The following SNX31 variants were observed in gnomAD, a reference collection of about 807,000 sequenced individuals.
The protein encoded by SNX31 is sorting nexin 31.
A neutral mutation model predicts 65.4 loss-of-function variants in SNX31; 58 were observed. The observed-to-expected ratio is 0.89, with a 90% CI of 0.72 to 1.10. The LOEUF (loss-of-function observed/expected upper bound fraction) is 1.10, where lower values mean the gene tolerates loss of function less well. Ranked by LOEUF, SNX31 falls within the 50% of genes least tolerant of loss-of-function variation. SNX31 has a pLI of 0.00. For synonymous variants in SNX31, 181 were observed against 190.1 expected (o/e 0.95, Z 0.39); for missense variants, 523 against 529.7 (o/e 0.99, Z 0.12).
chr8:100,578,549 T>C lies in SNX31; in HGVS notation c.1171-1474A>G, dbSNP rs62513863. Among the ~76,000 whole-genome samples, 14,149 of 152,050 alleles carry C rather than the reference T, an allele frequency of 0.093. 715 individuals are homozygous for C. The highest frequency in any genetic ancestry group is 0.13 in the African/African-American group (5,471 of 41,494). On this transcript the variant is annotated intron_variant, in intron 12 of 13. Coordinates refer to ENST00000311812, the MANE Select transcript of SNX31 (RefSeq NM_152628.4). The surrounding 1 kb of genome is among the most constrained non-coding windows in gnomAD (Gnocchi z 4.7). ...ATAAGTGGGCTAAATAACATGACAC[T>C]GCAAAAAAGCATTACCTTTCAACTA...
In SNX31 at chr8:100,593,715, A is replaced by G. The variant is rs192739550; in HGVS notation, c.978+2924T>C. Among the ~76,000 whole-genome samples the G allele has an allele frequency of 4.9e-4, 75 of 152,070 alleles. 1 individual carries two copies. In the Middle Eastern group the frequency reaches 0.01, roughly 21 times the overall value. On this transcript the variant is annotated intron_variant, in intron 10 of 13. Coordinates refer to ENST00000311812, the MANE Select transcript of SNX31 (RefSeq NM_152628.4). ...CCAATCTGCCCACCTCGGCCTCCCA[A>G]AGTGCTGGGATTATAGGCATGAGCC...
intron 2 of SNX31, among the ~76,000 whole-genome samples, chr8:100,642,353 G>GTAAATA (rs1819318149): frequency 6.6e-6 from 1 of 152,192 alleles, no homozygotes; most frequent in African/African-American, 2.4e-5. Context: ...GTTCGTAAAT[G>GTAAATA]TCGCAGATGT....
At chr8:100,655,590 T>C (rs1339524234) in intron 1 of SNX31, among the ~76,000 whole-genome samples, 2 of 152,212 alleles carry the variant, frequency 1.3e-5, no homozygotes, top group Non-Finnish European at 2.9e-5. Flanking sequence ...CATTCTGCCA[T>C]GATTGTGAGG....
rs190939928 is a variant in SNX31, at chr8:100,595,230, G to A, written c.978+1409C>T. Among the ~76,000 whole-genome samples the A allele has an allele frequency of 2.3e-3, 343 of 152,070 alleles. 1 individual carries two copies. Among genetic ancestry groups the A allele is most frequent in the South Asian group, 8.3e-3 (40 of 4,802 alleles). On this transcript the variant is annotated intron_variant, in intron 10 of 13. Transcript: ENST00000311812. ...CTCCAGGAGGAAAGAGTGGTGTAGG[G>A]AGAAGAATTAGGAAACTGTTCAATC...
At position 100,626,036 on chromosome 8, in the gene SNX31, G is replaced by T. The variant is rs1818018907; in HGVS notation, c.321+4291C>A. Among the ~76,000 whole-genome samples the T allele has an allele frequency of 6.6e-6, 1 of 152,112 alleles. No homozygotes were observed. The highest frequency in any genetic ancestry group is 2.4e-5 in the African/African-American group (1 of 41,400). On this transcript the variant is annotated intron_variant, in intron 4 of 13. Transcript: ENST00000311812. The surrounding 1 kb of genome is among the most constrained non-coding windows in gnomAD (Gnocchi z 4.4). ...GAGGTCAGGAGTTCAAGACCAGCCT[G>T]ACCAACATGGAGAAACCCCATCTCT...
chr8:100,618,571 G>A, intron 4 of SNX31: 1 of 543,870 alleles, frequency 1.8e-6, no homozygotes, highest in South Asian at 2.6e-5. Context: ...CATGCCAGCA[G>A]CAAATATGGG....
chr8:100,657,716 G>A (rs1422043352), intron 1 of SNX31: 7 of 455,664 alleles, frequency 1.5e-5, no homozygotes, highest in Non-Finnish European at 3.1e-5. Flanking sequence ...GGGAGATGGT[G>A]CAGTCACCTG....
Position 100,622,767 on chromosome 8 carries a change from G to A in SNX31, c.322-5037C>T, listed in dbSNP as rs117458753. 1.3e-5 allele frequency among the ~76,000 whole-genome samples: 2 copies of A among 152,208 alleles called. No homozygotes were observed. The highest frequency in any genetic ancestry group is 1.9e-4 in the East Asian group (1 of 5,190). Reference sequence around the variant, plus strand: ...ACATGAACTTCCCTCTCTAGCCCTCGACTGCATACTTATCCTACAGATATG... The same window carrying A: ...ACATGAACTTCCCTCTCTAGCCCTCAACTGCATACTTATCCTACAGATATG... On this transcript the variant is annotated intron_variant, in intron 4 of 13. Transcript: ENST00000311812. This position sits in a 1 kb window ranked among gnomAD's most constrained non-coding sequence, Gnocchi z 5.0.
intron 5 of SNX31, among the ~76,000 whole-genome samples, chr8:100,616,864 C>A (rs561437443): frequency 7.9e-5 from 12 of 152,298 alleles, no homozygotes; most frequent in African/African-American, 2.9e-4. Context: ...TTTGAAAGGT[C>A]CTAGAAACTT....
At chr8:100,641,565 AATATATATATATAT>A (rs1237945389) in intron 2 of SNX31, among the ~76,000 whole-genome samples, 1,308 of 32,022 alleles carry the variant, frequency 0.041, 56 homozygotes, top group South Asian at 0.047. Flanking sequence ...AAAAAAAAAA[AATATATATATATAT>A]ATATATATAT....
rs760367349 is a variant in SNX31, at chr8:100,613,343, G to A, written c.433-258C>T. 2.6e-5 allele frequency among the ~76,000 whole-genome samples: 4 copies of A among 152,180 alleles called. No individual in the cohort carries two copies. The highest frequency in any genetic ancestry group is 4.8e-5 in the African/African-American group (2 of 41,432). ...CAGAGGCTGGCCCCAAGTTGAGGTTGGTCATCCCATCTCAGATGTGGACTC... is the reference window on the plus strand; with the variant it reads ...CAGAGGCTGGCCCCAAGTTGAGGTTAGTCATCCCATCTCAGATGTGGACTC... On this transcript the variant is annotated intron_variant, in intron 5 of 13. Transcript: ENST00000311812. The surrounding 1 kb of genome is among the most constrained non-coding windows in gnomAD (Gnocchi z 5.2).
chr8:100,605,053 C>T lies in SNX31; in HGVS notation c.681+3441G>A, dbSNP rs142251721. Among the ~76,000 whole-genome samples, 442 of 152,274 alleles carry T rather than the reference C, an allele frequency of 2.9e-3. 6 individuals are homozygous for T. The highest frequency in any genetic ancestry group is 0.01 in the African/African-American group (428 of 41,542). ...AGCTGGGACTACAGGCGTGCGCCAC[C>T]GTGCCCAGCTAATTTTTGTATTTTT... is the stretch of plus-strand genomic sequence containing the variant. On this transcript the variant is annotated intron_variant, in intron 8 of 13. Coordinates refer to ENST00000311812, the MANE Select transcript of SNX31 (RefSeq NM_152628.4).
At chr8:100,628,549 A>G (rs1401240434) in intron 4 of SNX31, among the ~76,000 whole-genome samples, 22 of 146,330 alleles carry the variant, frequency 1.5e-4, no homozygotes, top group Non-Finnish European at 3.2e-4. Flanking sequence ...ATGAGAACAC[A>G]TGGACACAGG....
chr8:100,616,407 C>T (rs577556732), intron 5 of SNX31, among the ~76,000 whole-genome samples: 2 of 152,326 alleles, frequency 1.3e-5, no homozygotes, highest in South Asian at 2.1e-4. Flanking sequence ...TGCCTGGCCC[C>T]AGACACATGC....
intron 11 of SNX31, among the ~76,000 whole-genome samples, chr8:100,585,002 G>A (rs758161155): frequency 3.9e-5 from 6 of 152,002 alleles, no homozygotes; most frequent in Non-Finnish European, 8.8e-5. Context: ...GGGATTACAG[G>A]TGTGAGCCAC....
At position 100,596,670 on chromosome 8, in the gene SNX31, C is replaced by A. The variant is rs775927974; in HGVS notation, c.947G>T (p.Ser316Ile). The A allele has an allele frequency of 8.1e-6, 13 of 1,614,168 alleles. No homozygotes were observed. In the South Asian group the frequency reaches 1.4e-4, roughly 18 times the overall value. The change falls in exon 10 of 14, where the codon AGC (serine) becomes ATC (isoleucine). Residue 316 changes from serine (S) to isoleucine (I), a missense_variant. Coordinates refer to ENST00000311812, the MANE Select transcript of SNX31 (RefSeq NM_152628.4). Reference sequence around the variant, plus strand: ...AGTGACCTGCCAGCACTTCACCCTGCTCATCTGGAAAACGATGTCCTGGGT... The same window carrying A: ...AGTGACCTGCCAGCACTTCACCCTGATCATCTGGAAAACGATGTCCTGGGT... ...SQTQDIVFQM[S>I]RVKCWQVTFL... is the part of the protein sequence containing the mutation.
intron 8 of SNX31, among the ~76,000 whole-genome samples, chr8:100,605,637 A>C (rs2130975929): frequency 6.6e-6 from 1 of 152,260 alleles, no homozygotes; most frequent in South Asian, 2.1e-4. Flanking sequence ...ACCCAGAGAG[A>C]GGATCAGTGT....
At position 100,609,012 on chromosome 8, in the gene SNX31, T is replaced by C. The variant is rs768743718; in HGVS notation, c.612-449A>G. On this transcript the variant is annotated intron_variant, in intron 7 of 13. Coordinates refer to ENST00000311812, the MANE Select transcript of SNX31 (RefSeq NM_152628.4). This position sits in a 1 kb window ranked among gnomAD's most constrained non-coding sequence, Gnocchi z 4.9. ...CTTTCCAGGCTTTCTGTCTCAGCCATGTGCCCTTAATCTGATGCTCCACAT... is the reference window on the plus strand; with the variant it reads ...CTTTCCAGGCTTTCTGTCTCAGCCACGTGCCCTTAATCTGATGCTCCACAT... 3.3e-5 allele frequency among the ~76,000 whole-genome samples: 5 copies of C among 152,210 alleles called. No homozygotes were observed. Among genetic ancestry groups the C allele is most frequent in the Non-Finnish European group, 7.3e-5 (5 of 68,030 alleles).
chr8:100,615,782 T>C (rs1475938302), intron 5 of SNX31, among the ~76,000 whole-genome samples: 1 of 152,156 alleles, frequency 6.6e-6, no homozygotes, highest in Non-Finnish European at 1.5e-5. Flanking sequence ...ATTATTATTA[T>C]TTTTGGAGAC....
Sources: gnomAD v4.1 joint callset for allele counts (sites outside exome capture counted in the v4.1 genomes callset) on GRCh38, gnomAD v4.1.1 for gene constraint, Gnocchi (gnomAD v3.1) non-coding constraint, MANE v1.5 for transcripts, NCBI Gene and HGNC (gene_info 2026-07-23, HGNC 2026-07-21) for gene names.